BCL2L11: variants seen among roughly 807,000 people sequenced by gnomAD.
The protein encoded by BCL2L11 is bcl-2-like protein 11.
In BCL2L11, 15 loss-of-function variants were observed where a neutral mutation model predicts 20.6. That is an observed-to-expected ratio of 0.73 (90% CI 0.49 to 1.12). The LOEUF is 1.12. BCL2L11 is among the 50% of genes most tolerant of loss of function. The pLI is 0.00. For synonymous variants in BCL2L11, 108 were observed against 92.8 expected (o/e 1.16, Z -0.94); for missense variants, 292 against 260.9 (o/e 1.12, Z -0.82).
At chr2:111,125,233 C>T (rs1235510096) in intron 2 of BCL2L11, among the ~76,000 whole-genome samples, 1 of 152,196 alleles carries the variant, frequency 6.6e-6, no homozygotes, top group African/African-American at 2.4e-5. Context: ...AAACATTGTA[C>T]AAGCTGAAAA....
chr2:111,158,310 C>T (rs779472585), intron 3 of BCL2L11, among the ~76,000 whole-genome samples: 6 of 152,150 alleles, frequency 3.9e-5, no homozygotes, highest in African/African-American at 7.2e-5. Flanking sequence ...GGGGTGACTC[C>T]TAGTTCCATG....
At chr2:111,137,529 G>A (rs1215013247) in intron 2 of BCL2L11, among the ~76,000 whole-genome samples, 1 of 152,134 alleles carries the variant, frequency 6.6e-6, no homozygotes, top group Non-Finnish European at 1.5e-5. Flanking sequence ...CCTGTCCTTG[G>A]AGACCTCACA....
intron 2 of BCL2L11, among the ~76,000 whole-genome samples, chr2:111,143,448 G>C (rs889631306): frequency 6.6e-6 from 1 of 152,190 alleles, no homozygotes; most frequent in East Asian, 1.9e-4. Context: ...GACAAAAAGT[G>C]GGGTGATGAT....
At chr2:111,122,926 G>C in intron 1 of BCL2L11, 1 of 985,502 alleles carries the variant, frequency 1.0e-6, no homozygotes, top group Non-Finnish European at 1.2e-6. Flanking sequence ...GCGCGGACGT[G>C]AGTTTCGGTG....
chr2:111,156,313 T>C (rs770030763), intron 3 of BCL2L11, among the ~76,000 whole-genome samples: 2 of 152,212 alleles, frequency 1.3e-5, no homozygotes, highest in Non-Finnish European at 2.9e-5. Flanking sequence ...CAATGATAGG[T>C]TGCCCCACAC....
At chr2:111,124,506 G>A (rs946190017) in intron 2 of BCL2L11, among the ~76,000 whole-genome samples, 1 of 152,134 alleles carries the variant, frequency 6.6e-6, no homozygotes, top group Non-Finnish European at 1.5e-5. Flanking sequence ...TAGCCAGGAT[G>A]GTCTCAATCT....
intron 1 of BCL2L11, chr2:111,123,244 C>T (rs1331309922): frequency 1.0e-6 from 1 of 985,378 alleles, no homozygotes; most frequent in Non-Finnish European, 1.2e-6. Flanking sequence ...CGGCCGCTGC[C>T]AGACCTTCCC....
intron 2 of BCL2L11, among the ~76,000 whole-genome samples, chr2:111,146,956 G>A (rs2076599320): frequency 6.6e-6 from 1 of 152,248 alleles, no homozygotes; most frequent in Admixed American, 6.5e-5. Context: ...GGAAATAACT[G>A]TATTTGCATC....
rs2079098261 is a variant in BCL2L11, at chr2:111,167,840, T to G, written c.*3609T>G. The G allele has an allele frequency of 6.5e-6, 1 of 152,844 alleles. No individual in the cohort carries two copies. The highest frequency in any genetic ancestry group is 1.5e-5 in the Non-Finnish European group (1 of 68,196). 9.5% of individuals were successfully genotyped at this position (152,844 alleles called of 1,614,324 possible). On this transcript the variant is annotated 3_prime_UTR_variant, in exon 4 of 4. Coordinates refer to ENST00000393256, the MANE Select transcript of BCL2L11 (RefSeq NM_138621.5). ...AGCCTGCTTCTTCAGGTCGATGCCCTCCTTCTGATACTCCATCTCCTTCAG... is the reference window on the plus strand; with the variant it reads ...AGCCTGCTTCTTCAGGTCGATGCCCGCCTTCTGATACTCCATCTCCTTCAG...
intron 1 of BCL2L11, chr2:111,122,788 C>G (rs1452644524): frequency 6.1e-6 from 6 of 985,220 alleles, no homozygotes; most frequent in South Asian, 9.4e-5. Flanking sequence ...ACTCTGAACC[C>G]GAGTCCCGGG....
At chr2:111,123,013 A>C in intron 1 of BCL2L11, 2 of 983,980 alleles carry the variant, frequency 2.0e-6, no homozygotes, top group Non-Finnish European at 2.4e-6. Flanking sequence ...CTGCGGACCT[A>C]GTTGTAGACC....
At chr2:111,139,668 G>T (rs541958299) in intron 2 of BCL2L11, among the ~76,000 whole-genome samples, 1 of 152,170 alleles carries the variant, frequency 6.6e-6, no homozygotes, top group Non-Finnish European at 1.5e-5. Context: ...CACACTATGA[G>T]GTAGCGGAAG....
rs2079101714 is a variant in BCL2L11 at position 111,167,909 on chromosome 2, C to G, written c.*3678C>G. The G allele has an allele frequency of 6.5e-6, 1 of 152,716 alleles. No homozygotes were observed. The highest frequency in any genetic ancestry group is 1.5e-5 in the Non-Finnish European group (1 of 68,086). 9.5% of individuals were successfully genotyped at this position (152,716 alleles called of 1,614,324 possible). On this transcript the variant is annotated 3_prime_UTR_variant, in exon 4 of 4. Coordinates refer to ENST00000393256, the MANE Select transcript of BCL2L11 (RefSeq NM_138621.5). ...TGGACTGGGTGTCAAGATGTGAAAG[C>G]TTATGGGAGCTTTAAGGAGACTTCA... is the stretch of plus-strand genomic sequence containing the variant.
rs140646021 is a variant in BCL2L11 at position 111,151,876 on chromosome 2, C to T, written c.498+1729C>T. The T allele has an allele frequency of 6.0e-4, 925 of 1,549,162 alleles. 10 individuals are homozygous for T. The African/African-American group carries it at 0.011, about 19-fold the overall frequency. Reference sequence around the variant, plus strand: ...ACATAAACCAGTTCACAGAACATTCCAGCCTAGATCTGAAATGGTAATTTT... The same window carrying T: ...ACATAAACCAGTTCACAGAACATTCTAGCCTAGATCTGAAATGGTAATTTT... On this transcript the variant is annotated intron_variant, in intron 3 of 3. Transcript: ENST00000393256.
chr2:111,157,387 G>T (rs905455349), intron 3 of BCL2L11, among the ~76,000 whole-genome samples: 1 of 152,232 alleles, frequency 6.6e-6, no homozygotes, highest in African/African-American at 2.4e-5. Flanking sequence ...AAAGTGGAGA[G>T]GTTTTAGTTG....
At position 111,121,035 on chromosome 2, in the gene BCL2L11, G is replaced by C. The variant is rs2070790412; in HGVS notation, c.-167G>C. On this transcript the variant is annotated 5_prime_UTR_variant, in exon 1 of 4. Transcript: ENST00000393256. Reference sequence around the variant, plus strand: ...GCCGCCGCCGCCACTACCACCACTTGATTCTTGCAGCCACCCTGCGAACCC... The same window carrying C: ...GCCGCCGCCGCCACTACCACCACTTCATTCTTGCAGCCACCCTGCGAACCC... 1 of 372,624 alleles carries C rather than the reference G, an allele frequency of 2.7e-6. No individual in the cohort carries two copies. Among genetic ancestry groups the C allele is most frequent in the East Asian group, 5.3e-5 (1 of 18,836 alleles). 23.1% of individuals were successfully genotyped at this position (372,624 alleles called of 1,614,324 possible).
intron 2 of BCL2L11, among the ~76,000 whole-genome samples, chr2:111,143,840 T>C (rs1317467614): frequency 6.6e-6 from 1 of 152,226 alleles, no homozygotes; most frequent in Non-Finnish European, 1.5e-5. Flanking sequence ...GTTTTTCTGA[T>C]GTTGAATGAG....
At chr2:111,129,020 A>G (rs964819655) in intron 2 of BCL2L11, among the ~76,000 whole-genome samples, 1 of 152,238 alleles carries the variant, frequency 6.6e-6, no homozygotes, top group African/African-American at 2.4e-5. Context: ...CATCACTTCC[A>G]TGAAGCTTAC....
chr2:111,142,692 C>T (rs2076002184), intron 2 of BCL2L11, among the ~76,000 whole-genome samples: 1 of 152,152 alleles, frequency 6.6e-6, no homozygotes. Flanking sequence ...AACAGTAATA[C>T]TGAAGACCTT....
Sources: gnomAD v4.1 joint callset for allele counts (sites outside exome capture counted in the v4.1 genomes callset) on GRCh38, gnomAD v4.1.1 for gene constraint, MANE v1.5 for transcripts, NCBI Gene and HGNC (gene_info 2026-07-23, HGNC 2026-07-21) for gene names.